PPP1R1C: variants seen among roughly 807,000 people sequenced by gnomAD.
PPP1R1C encodes protein phosphatase 1 regulatory subunit 1C.
Under a neutral mutation model 17.4 loss-of-function variants are expected in PPP1R1C, and 15 were observed. The ratio of observed to expected loss-of-function variants is 0.86; its 90% confidence interval spans 0.58 to 1.33. The LOEUF (loss-of-function observed/expected upper bound fraction) is 1.33. Ranked by LOEUF, PPP1R1C falls within the 40% of genes most tolerant of loss-of-function variation. PPP1R1C has a pLI of 0.00. For missense variants in PPP1R1C, 143 were observed against 130.0 expected, an observed-to-expected ratio of 1.10 and a Z score of -0.48; for synonymous variants, 35 against 43.1, an observed-to-expected ratio of 0.81 and a Z score of 0.73.
At chr2:182,061,519 C>T (rs750908490) in intron 3 of PPP1R1C, 40 bp downstream of exon 3, 95 of 1,337,982 alleles carry the variant, frequency 7.1e-5, no homozygotes, top group Non-Finnish European at 4.6e-5. Flanking sequence ...GTGTTCAAAT[C>T]AATTAAAAAT....
At chr2:181,981,714 C>T (rs1685196925), upstream of PPP1R1C, among the ~76,000 whole-genome samples, 1 of 152,160 alleles carries the variant, frequency 6.6e-6, no homozygotes, top group South Asian at 2.1e-4. Flanking sequence ...TATTGTCACT[C>T]TCCCATGCAT....
At chr2:181,966,445 A>G (rs1458616582) in intron 1 of PPP1R1C, among the ~76,000 whole-genome samples, 1 of 152,176 alleles carries the variant, frequency 6.6e-6, no homozygotes, top group Non-Finnish European at 1.5e-5. Context: ...TGGGTATGTC[A>G]TATATGGCTT....
At chr2:181,958,864 T>G (rs530513408) in intron 1 of PPP1R1C, among the ~76,000 whole-genome samples, 2 of 152,386 alleles carry the variant, frequency 1.3e-5, no homozygotes, top group East Asian at 3.9e-4. Flanking sequence ...CACTATTTAT[T>G]CTACTGCTGA....
chr2:182,038,651 A>T (rs1182285784), intron 2 of PPP1R1C, among the ~76,000 whole-genome samples: 2 of 152,176 alleles, frequency 1.3e-5, no homozygotes, highest in Non-Finnish European at 2.9e-5. Flanking sequence ...AGTCGACTGC[A>T]TACAGAAGAA....
intron 2 of PPP1R1C, among the ~76,000 whole-genome samples, chr2:182,017,806 A>C (rs967630086): frequency 6.6e-6 from 1 of 152,158 alleles, no homozygotes; most frequent in African/African-American, 2.4e-5. Flanking sequence ...TAGAACTGTC[A>C]TACTGTACAT....
chr2:181,979,613 T>A (rs1261995598), intron 2 of PPP1R1C, among the ~76,000 whole-genome samples: 1 of 152,110 alleles, frequency 6.6e-6, no homozygotes, highest in African/African-American at 2.4e-5. Context: ...AAAGCTAGGC[T>A]CAGTTGGGGG....
chr2:181,996,334 G>T (rs1685612424), intron 2 of PPP1R1C, among the ~76,000 whole-genome samples: 1 of 152,044 alleles, frequency 6.6e-6, no homozygotes, highest in Non-Finnish European at 1.5e-5. Context: ...TGACAATCAG[G>T]GGGCTCAGAA....
At chr2:182,088,740 T>C in intron 4 of PPP1R1C, among the ~76,000 whole-genome samples, 1 of 152,208 alleles carries the variant, frequency 6.6e-6, no homozygotes. Flanking sequence ...TACTTCTTAG[T>C]AATGTGTTCT....
chr2:182,095,056 C>T (rs1688891537), intron 4 of PPP1R1C, among the ~76,000 whole-genome samples: 1 of 152,002 alleles, frequency 6.6e-6, no homozygotes, highest in Non-Finnish European at 1.5e-5. Flanking sequence ...TCTGGGAGGC[C>T]GAGGCAGGCG....
chr2:182,013,047 A>G (rs967712554), intron 2 of PPP1R1C, among the ~76,000 whole-genome samples: 2 of 152,152 alleles, frequency 1.3e-5, no homozygotes, highest in Non-Finnish European at 2.9e-5. Flanking sequence ...TACTCAAGAT[A>G]TGAATAGTTT....
At chr2:182,009,272 G>A (rs1047749143) in intron 2 of PPP1R1C, among the ~76,000 whole-genome samples, 2 of 151,848 alleles carry the variant, frequency 1.3e-5, no homozygotes, top group African/African-American at 4.8e-5. Context: ...TTCCTTTTCT[G>A]CACATCCTCA....
intron 4 of PPP1R1C, among the ~76,000 whole-genome samples, chr2:182,091,536 G>A (rs1047597725): frequency 3.3e-5 from 5 of 151,984 alleles, no homozygotes; most frequent in Non-Finnish European, 7.4e-5. Flanking sequence ...CAGGGTTAAA[G>A]GATTTTTTTA....
intron 4 of PPP1R1C, among the ~76,000 whole-genome samples, chr2:182,088,967 T>C (rs373416645): frequency 6.6e-6 from 1 of 152,200 alleles, no homozygotes; most frequent in African/African-American, 2.4e-5. Flanking sequence ...ACTCTAGGCC[T>C]TTTAAACAGA....
intron 2 of PPP1R1C, among the ~76,000 whole-genome samples, chr2:182,044,234 A>T (rs765668361): frequency 3.3e-5 from 5 of 152,188 alleles, no homozygotes; most frequent in African/African-American, 7.2e-5. Flanking sequence ...AAATCTGGTC[A>T]TGCCTCTTTC....
chr2:182,088,899 A>T (rs111967076), intron 4 of PPP1R1C, among the ~76,000 whole-genome samples: 3,024 of 152,322 alleles, frequency 0.02, 55 homozygotes, highest in Admixed American at 0.055. Context: ...TCCTTATTCA[A>T]CATTCCTTAT....
chr2:182,027,732 A>G (rs987889598), intron 2 of PPP1R1C, among the ~76,000 whole-genome samples: 7 of 151,380 alleles, frequency 4.6e-5, no homozygotes, highest in African/African-American at 1.7e-4. Context: ...TCATAAAATG[A>G]GTTAGGGAGG....
chr2:182,104,489 T>C (rs565636349), intron 4 of PPP1R1C, among the ~76,000 whole-genome samples: 1 of 152,374 alleles, frequency 6.6e-6, no homozygotes, highest in Non-Finnish European at 1.5e-5. Context: ...TAATGTGGTG[T>C]ATCACACTTA....
chr2:182,031,882 T>C (rs891215568), intron 2 of PPP1R1C, among the ~76,000 whole-genome samples: 11 of 152,216 alleles, frequency 7.2e-5, no homozygotes, highest in Admixed American at 7.2e-4. Context: ...AGGAAGCATG[T>C]ATGTATGATA....
intron 2 of PPP1R1C, among the ~76,000 whole-genome samples, chr2:182,014,967 G>C (rs1158269866): frequency 6.6e-6 from 1 of 151,952 alleles, no homozygotes; most frequent in African/African-American, 2.4e-5. Context: ...TCTTGCTCAG[G>C]GCGGGTGCGG....
Sources: gnomAD v4.1 joint callset for allele counts (sites outside exome capture counted in the v4.1 genomes callset) on GRCh38, gnomAD v4.1.1 for gene constraint, MANE v1.5 for transcripts, NCBI Gene and HGNC (gene_info 2026-07-23, HGNC 2026-07-21) for gene names.